TAOK1: variants seen among roughly 807,000 people sequenced by gnomAD.
TAOK1 encodes the protein TAO kinase 1, also known as serine/threonine-protein kinase TAO1.
TAOK1 carries 21 observed loss-of-function variants against 138.3 expected under a neutral mutation model. The observed-to-expected ratio is 0.15, with a 90% CI of 0.11 to 0.22. TAOK1 has a LOEUF of 0.22. TAOK1 is among the 10% of genes least tolerant of loss of function. The pLI is 1.00. For missense variants in TAOK1, 651 were observed against 1,227.7 expected (o/e 0.53, Z 7.02); for synonymous variants, 361 against 398.4 (o/e 0.91, Z 1.12).
intron 1 of TAOK1, among the ~76,000 whole-genome samples, chr17:29,410,511 C>T (rs1040884417): frequency 3.3e-5 from 5 of 151,940 alleles, no homozygotes; most frequent in Admixed American, 1.3e-4. Flanking sequence ...CCTCGGCCTC[C>T]CAAAGTGCTG....
intron 8 of TAOK1, among the ~76,000 whole-genome samples, chr17:29,484,911 C>G (rs538876995): frequency 6.6e-6 from 1 of 152,180 alleles, no homozygotes; most frequent in Admixed American, 6.5e-5. Context: ...AATGCAAATC[C>G]GATTCAGTCT....
At chr17:29,471,417 A>G (rs1272955170) in intron 3 of TAOK1, among the ~76,000 whole-genome samples, 1 of 148,232 alleles carries the variant, frequency 6.7e-6, no homozygotes, top group East Asian at 2.0e-4. Flanking sequence ...AGCTGGGACT[A>G]CAGGTGCCCG....
intron 3 of TAOK1, among the ~76,000 whole-genome samples, chr17:29,474,629 T>TG (rs2030901014): frequency 6.6e-6 from 1 of 152,184 alleles, no homozygotes; most frequent in Non-Finnish European, 1.5e-5. Flanking sequence ...CACCATCTTA[T>TG]ATGGGCACAG....
intron 8 of TAOK1, among the ~76,000 whole-genome samples, chr17:29,485,146 C>T (rs1238058232): frequency 1.3e-5 from 2 of 152,066 alleles, no homozygotes; most frequent in South Asian, 2.1e-4. Flanking sequence ...TCTTATAATA[C>T]ATAATTTTTC....
At chr17:29,508,368 A>G (rs1429175088) in intron 14 of TAOK1, among the ~76,000 whole-genome samples, 5 of 152,226 alleles carry the variant, frequency 3.3e-5, no homozygotes, top group African/African-American at 1.2e-4. Flanking sequence ...AAAACAAATC[A>G]GTCTTAAAAC....
chr17:29,436,569 A>G (rs1489397816), intron 1 of TAOK1, among the ~76,000 whole-genome samples: 1 of 152,232 alleles, frequency 6.6e-6, no homozygotes, highest in Non-Finnish European at 1.5e-5. Flanking sequence ...GAAAAGGATT[A>G]AAACAAGACA....
intron 17 of TAOK1, among the ~76,000 whole-genome samples, chr17:29,527,631 T>C (rs900763982): frequency 3.3e-5 from 5 of 152,240 alleles, no homozygotes; most frequent in Non-Finnish European, 7.3e-5. Context: ...AGGGGAGTAC[T>C]TTCTCTTAGA....
chr17:29,394,514 T>C (rs939188030), intron 1 of TAOK1, among the ~76,000 whole-genome samples: 2 of 152,080 alleles, frequency 1.3e-5, no homozygotes, highest in African/African-American at 2.4e-5. Context: ...CCAGAAGATA[T>C]CTAGGGGTCA....
intron 1 of TAOK1, among the ~76,000 whole-genome samples, chr17:29,392,441 T>C (rs1453856857): frequency 6.6e-6 from 1 of 152,214 alleles, no homozygotes; most frequent in Non-Finnish European, 1.5e-5. Context: ...ATTTTTCACT[T>C]CTTTTGCTAC....
chr17:29,391,940 G>T (rs1335190244), intron 1 of TAOK1, among the ~76,000 whole-genome samples: 1 of 152,182 alleles, frequency 6.6e-6, no homozygotes, highest in African/African-American at 2.4e-5. Flanking sequence ...TTATTGGCCT[G>T]GCGCGGTGGC....
intron 1 of TAOK1, among the ~76,000 whole-genome samples, chr17:29,402,912 C>T (rs912276273): frequency 1.3e-5 from 2 of 150,786 alleles, no homozygotes; most frequent in African/African-American, 2.4e-5. Flanking sequence ...CAGTGGCTTA[C>T]GCCTGTAAGC....
At chr17:29,420,690 ACT>A (rs1320252264) in intron 1 of TAOK1, among the ~76,000 whole-genome samples, 2 of 145,614 alleles carry the variant, frequency 1.4e-5, no homozygotes, top group African/African-American at 2.6e-5. Context: ...GGTTCAAGTG[ACT>A]CTGCTGCTTC....
rs11447325 is a variant in TAOK1 at position 29,437,734 on chromosome 17, C to CTT, written c.-94-13705_-94-13704dup. Among the ~76,000 whole-genome samples the CTT allele has an allele frequency of 6.6e-3, 821 of 124,168 alleles. 25 individuals carry two copies. Among genetic ancestry groups the CTT allele is most frequent in the African/African-American group, 0.018 (580 of 32,552 alleles). 81.5% of individuals were successfully genotyped at this position (124,168 alleles called of 152,430 possible). A position where few individuals can be genotyped will look rare whatever the true frequency, so the allele number is the denominator to read the frequency against. The stretch of plus-strand genomic sequence containing the variant: ...CCTTTTGAACTGCCTTTATATTCTT[C>CTT]TTTTTTTTTTTTTTTTTGAGATGGA... On this transcript the variant is annotated intron_variant, in intron 1 of 19. Transcript: ENST00000261716.
intron 1 of TAOK1, among the ~76,000 whole-genome samples, chr17:29,424,408 G>C (rs1905565147): frequency 7.5e-6 from 1 of 132,464 alleles, no homozygotes; most frequent in African/African-American, 2.9e-5. Flanking sequence ...CTGCACTCCA[G>C]CCTTGGCAAC....
chr17:29,531,043 G>C (rs2032095038), intron 18 of TAOK1, among the ~76,000 whole-genome samples: 1 of 138,336 alleles, frequency 7.2e-6, no homozygotes, highest in African/African-American at 2.7e-5. Context: ...CTCACTGCAA[G>C]CTCCGCCTCC....
At chr17:29,450,753 C>T (rs894764903) in intron 1 of TAOK1, among the ~76,000 whole-genome samples, 3 of 152,130 alleles carry the variant, frequency 2.0e-5, no homozygotes, top group Admixed American at 6.6e-5. Flanking sequence ...TGGTCTCAAG[C>T]GATCCTCCTG....
At chr17:29,497,714 C>CAAAAAAAAAAAAAAA (rs373537264) in intron 11 of TAOK1, among the ~76,000 whole-genome samples, 2 of 100,686 alleles carry the variant, frequency 2.0e-5, no homozygotes, top group African/African-American at 3.7e-5. Context: ...TATTGAAATA[C>CAAAAAAAAAAAAAAA]AAAAAAAAAA....
intron 1 of TAOK1, among the ~76,000 whole-genome samples, chr17:29,398,100 C>T (rs1176180278): frequency 2.0e-5 from 3 of 152,104 alleles, no homozygotes; most frequent in Admixed American, 1.3e-4. Flanking sequence ...CTCATGGGGG[C>T]TCAGGCAGTC....
chr17:29,535,190 G>A (rs2032202359), intron 19 of TAOK1, among the ~76,000 whole-genome samples: 1 of 151,906 alleles, frequency 6.6e-6, no homozygotes, highest in Non-Finnish European at 1.5e-5. Context: ...TCACTCCTGT[G>A]GTCCCAGCTA....
Sources: allele counts gnomAD v4.1 joint callset (sites outside exome capture counted in the v4.1 genomes callset), GRCh38; gene constraint gnomAD v4.1.1; transcripts MANE v1.5; gene names NCBI Gene and HGNC (gene_info 2026-07-23, HGNC 2026-07-21).